Variants in BABAM2 observed in about 807,000 individuals in gnomAD.
The protein encoded by BABAM2 is BRISC and BRCA1 A complex member 2.
A neutral mutation model predicts 54.7 loss-of-function variants in BABAM2; 31 were observed. The observed-to-expected ratio is 0.57, with a 90% CI of 0.43 to 0.77. BABAM2 has a LOEUF of 0.77. BABAM2 is among the 30% of genes least tolerant of loss of function. BABAM2 has a pLI of 0.00. For missense variants in BABAM2, 364 were observed against 455.8 expected (o/e 0.80, Z 1.83); for synonymous variants, 167 against 162.9 (o/e 1.03, Z -0.19).
intron 7 of BABAM2, among the ~76,000 whole-genome samples, chr2:28,166,200 A>G (rs927607870): frequency 6.6e-6 from 1 of 152,192 alleles, no homozygotes; most frequent in Non-Finnish European, 1.5e-5. Flanking sequence ...AGTCTGTAGT[A>G]CTTTGTTATG....
At position 28,244,895 on chromosome 2, in the gene BABAM2, T is replaced by C. The variant is rs369614515; in HGVS notation, c.934+33T>C. ...TACTTTTGCTGTCAGCATGTCAGCA[T>C]ACATTTTTAAATGTCCTAAACCACA... On this transcript the variant is annotated intron_variant, in intron 10 of 11. Transcript: ENST00000379624. 23 of 1,579,892 alleles carry C rather than the reference T, an allele frequency of 1.5e-5. No individual in the cohort carries two copies. The African/African-American group carries it at 3.0e-4, about 20-fold the overall frequency.
At chr2:28,132,243 A>G (rs1190828280) in intron 7 of BABAM2, among the ~76,000 whole-genome samples, 1 of 148,770 alleles carries the variant, frequency 6.7e-6, no homozygotes, top group Non-Finnish European at 1.5e-5. Flanking sequence ...GGTTCACGCC[A>G]TTCTCCTGCC....
At chr2:28,042,958 A>G (rs928005743) in intron 5 of BABAM2, among the ~76,000 whole-genome samples, 1 of 151,808 alleles carries the variant, frequency 6.6e-6, no homozygotes, top group Admixed American at 6.6e-5. Context: ...CAGGAGGTGG[A>G]GCTTGCAGTG....
chr2:28,335,230 C>T (rs1572441335), intron 11 of BABAM2, among the ~76,000 whole-genome samples: 3 of 136,334 alleles, frequency 2.2e-5, no homozygotes, highest in South Asian at 2.4e-4. Flanking sequence ...ATGGTGCGGA[C>T]GTGATCTTGG....
intron 7 of BABAM2, among the ~76,000 whole-genome samples, chr2:28,205,305 T>A (rs1272200561): frequency 6.6e-6 from 1 of 151,658 alleles, no homozygotes; most frequent in Non-Finnish European, 1.5e-5. Context: ...ATCAAGACCA[T>A]CCTGGCCAAC....
At chr2:28,294,006 A>G (rs1222420900) in intron 10 of BABAM2, among the ~76,000 whole-genome samples, 10 of 152,228 alleles carry the variant, frequency 6.6e-5, no homozygotes, top group Non-Finnish European at 1.3e-4. Flanking sequence ...GCAGTTGTCA[A>G]AATAATACTG....
chr2:28,253,142 G>T (rs543119941), intron 10 of BABAM2, among the ~76,000 whole-genome samples: 12 of 152,282 alleles, frequency 7.9e-5, no homozygotes, highest in African/African-American at 2.9e-4. Context: ...GGTGGCTCAT[G>T]CCCGTAATCC....
At chr2:27,917,436 A>G (rs1667061735) in intron 2 of BABAM2, among the ~76,000 whole-genome samples, 1 of 152,202 alleles carries the variant, frequency 6.6e-6, no homozygotes, top group Non-Finnish European at 1.5e-5. Flanking sequence ...TGATGGCTAG[A>G]AAGTCCAGGA....
intron 2 of BABAM2, among the ~76,000 whole-genome samples, chr2:27,928,820 T>C (rs1046221150): frequency 6.6e-6 from 1 of 152,028 alleles, no homozygotes; most frequent in Admixed American, 6.5e-5. Context: ...GCAGCTGTTA[T>C]GCAGTTGAAC....
intron 3 of BABAM2, among the ~76,000 whole-genome samples, chr2:27,933,135 C>T (rs1668221376): frequency 6.6e-6 from 1 of 152,154 alleles, no homozygotes; most frequent in South Asian, 2.1e-4. Context: ...TACCCTATAT[C>T]CTCTCATTAC....
intron 6 of BABAM2, among the ~76,000 whole-genome samples, chr2:28,126,434 A>G (rs373136208): frequency 0.14 from 19,843 of 146,332 alleles, 1,474 homozygotes; most frequent in African/African-American, 0.23. Flanking sequence ...GAGAATGATG[A>G]TTTCCAGTTT....
intron 10 of BABAM2, among the ~76,000 whole-genome samples, chr2:28,293,257 T>C (rs780887577): frequency 2.6e-5 from 4 of 152,202 alleles, no homozygotes; most frequent in Non-Finnish European, 5.9e-5. Context: ...TGGCATTTCT[T>C]TTGGCTATTC....
chr2:27,977,491 C>T (rs941379612), intron 3 of BABAM2, among the ~76,000 whole-genome samples: 1 of 152,076 alleles, frequency 6.6e-6, no homozygotes, highest in Non-Finnish European at 1.5e-5. Context: ...TGTAGCTTAG[C>T]AGTGGTAAAT....
At chr2:28,276,940 G>A (rs1685928268) in intron 10 of BABAM2, among the ~76,000 whole-genome samples, 1 of 152,140 alleles carries the variant, frequency 6.6e-6, no homozygotes, top group African/African-American at 2.4e-5. Flanking sequence ...AGACGGCAGA[G>A]TGAGCCCATG....
chr2:28,093,483 T>C (rs762350318), intron 6 of BABAM2, among the ~76,000 whole-genome samples: 6 of 152,190 alleles, frequency 3.9e-5, no homozygotes, highest in Non-Finnish European at 7.3e-5. Context: ...GAAGACAGCA[T>C]GTCATCAGCA....
chr2:27,897,396 C>A (rs562727726), intron 2 of BABAM2, among the ~76,000 whole-genome samples: 2 of 152,210 alleles, frequency 1.3e-5, no homozygotes, highest in South Asian at 4.1e-4. Context: ...CTGATATTAT[C>A]TTCAATTTCA....
At chr2:28,249,743 T>C (rs1045435015) in intron 10 of BABAM2, among the ~76,000 whole-genome samples, 2 of 151,952 alleles carry the variant, frequency 1.3e-5, no homozygotes, top group African/African-American at 4.8e-5. Context: ...TGGGCTCAGG[T>C]GATCCTCCCA....
At chr2:28,281,349 T>A (rs1274522326) in intron 10 of BABAM2, among the ~76,000 whole-genome samples, 1 of 152,232 alleles carries the variant, frequency 6.6e-6, no homozygotes, top group Non-Finnish European at 1.5e-5. Context: ...GTGATGTGAT[T>A]GGTATTTAGG....
chr2:28,110,532 G>A (rs1667908038), intron 6 of BABAM2, among the ~76,000 whole-genome samples: 1 of 152,016 alleles, frequency 6.6e-6, no homozygotes, highest in African/African-American at 2.4e-5. Flanking sequence ...GCTGAGGCAG[G>A]AGAATCACTT....
Sources: allele counts gnomAD v4.1 joint callset (sites outside exome capture counted in the v4.1 genomes callset), GRCh38; gene constraint gnomAD v4.1.1; transcripts MANE v1.5; gene names NCBI Gene and HGNC (gene_info 2026-07-23, HGNC 2026-07-21).